Variants in SEMA3A observed in about 807,000 individuals in gnomAD.
SEMA3A encodes semaphorin 3A, also known as semaphorin-3A.
A neutral mutation model predicts 97.9 loss-of-function variants in SEMA3A; 29 were observed. The observed-to-expected ratio is 0.30, with a 90% CI of 0.22 to 0.40. SEMA3A has a LOEUF of 0.40. SEMA3A is among the 10% of genes least tolerant of loss of function. SEMA3A has a pLI of 1.00. For missense variants in SEMA3A, 763 were observed against 951.3 expected, an observed-to-expected ratio of 0.80 and a Z score of 2.60; for synonymous variants, 321 against 323.7, an observed-to-expected ratio of 0.99 and a Z score of 0.09.
chr7:84,388,644 T>C (rs1803462486), intron 1 of SEMA3A, among the ~76,000 whole-genome samples: 1 of 152,084 alleles, frequency 6.6e-6, no homozygotes, highest in Admixed American at 6.6e-5. Context: ...ATACTTTTTT[T>C]ACATGTTTTC....
At chr7:84,228,402 C>T (rs1461337594) in intron 3 of SEMA3A, among the ~76,000 whole-genome samples, 1 of 152,016 alleles carries the variant, frequency 6.6e-6, no homozygotes, top group African/African-American at 2.4e-5. Flanking sequence ...AATGTTACCT[C>T]ATTATAAACA....
intron 3 of SEMA3A, among the ~76,000 whole-genome samples, chr7:84,243,440 G>A (rs1447917483): frequency 6.6e-6 from 1 of 152,158 alleles, no homozygotes. Context: ...GCGTAGAGGT[G>A]TTTACAGTAT....
At chr7:84,041,942 TGACGTTTTTTATGTCTCCAAA>T (rs1792148644) in intron 6 of SEMA3A, among the ~76,000 whole-genome samples, 1 of 152,150 alleles carries the variant, frequency 6.6e-6, no homozygotes, top group Admixed American at 6.6e-5. Context: ...TTGGATACTC[TGACGTTTTTTATGTCTCCAAA>T]GATAGTAAGA....
intron 3 of SEMA3A, among the ~76,000 whole-genome samples, chr7:84,234,379 G>C (rs1366454723): frequency 1.3e-5 from 2 of 152,000 alleles, no homozygotes; most frequent in Non-Finnish European, 2.9e-5. Context: ...GCCACATTGA[G>C]ACCATTGCCC....
At chr7:84,346,063 C>T (rs908215967) in intron 2 of SEMA3A, among the ~76,000 whole-genome samples, 1 of 152,176 alleles carries the variant, frequency 6.6e-6, no homozygotes, top group Non-Finnish European at 1.5e-5. Context: ...TTTACGTCAG[C>T]ACTTGCTGCT....
chr7:84,045,045 C>A (rs1199564155), intron 6 of SEMA3A, among the ~76,000 whole-genome samples: 1 of 151,892 alleles, frequency 6.6e-6, no homozygotes, highest in African/African-American at 2.4e-5. Flanking sequence ...TTTGAGTAGT[C>A]ACTTTGAAGT....
intron 4 of SEMA3A, among the ~76,000 whole-genome samples, chr7:84,108,037 T>C (rs940990498): frequency 4.6e-5 from 7 of 152,128 alleles, no homozygotes; most frequent in African/African-American, 1.7e-4. Context: ...TTGTATTAAA[T>C]ACAAAATATA....
chr7:84,231,862 C>T (rs1056149501), intron 3 of SEMA3A, among the ~76,000 whole-genome samples: 2 of 151,842 alleles, frequency 1.3e-5, no homozygotes, highest in Non-Finnish European at 2.9e-5. Context: ...AAAAATAGCT[C>T]TTCCACTTTG....
intron 1 of SEMA3A, among the ~76,000 whole-genome samples, chr7:84,437,463 T>A (rs183338894): frequency 2.8e-4 from 43 of 152,128 alleles, no homozygotes; most frequent in African/African-American, 9.1e-4. Context: ...TGAATACATT[T>A]CCCCTTTTTT....
At chr7:84,465,593 T>C (rs190258666) in intron 1 of SEMA3A, among the ~76,000 whole-genome samples, 2 of 152,322 alleles carry the variant, frequency 1.3e-5, no homozygotes, top group East Asian at 3.9e-4. Flanking sequence ...AATGTTTATC[T>C]GAAAATTTCA....
At chr7:84,291,434 A>G (rs113827339) in intron 3 of SEMA3A, among the ~76,000 whole-genome samples, 11,082 of 152,012 alleles carry the variant, frequency 0.073, 1,377 homozygotes, top group African/African-American at 0.25. Flanking sequence ...CTTACATTCA[A>G]TTTTTATTTT....
chr7:83,985,972 G>A (rs563298644), intron 12 of SEMA3A, among the ~76,000 whole-genome samples: 26 of 152,200 alleles, frequency 1.7e-4, no homozygotes, highest in African/African-American at 6.3e-4. Flanking sequence ...AATAACTTGC[G>A]ATAAGCAGGA....
At chr7:84,426,848 C>T (rs1239971578) in intron 1 of SEMA3A, among the ~76,000 whole-genome samples, 1 of 152,004 alleles carries the variant, frequency 6.6e-6, no homozygotes, top group Non-Finnish European at 1.5e-5. Context: ...TCTTAATCTC[C>T]TTTGGAAGGT....
At chr7:84,318,286 T>C (rs1801559616) in intron 2 of SEMA3A, among the ~76,000 whole-genome samples, 2 of 151,700 alleles carry the variant, frequency 1.3e-5, no homozygotes, top group Admixed American at 6.6e-5. Context: ...ACGTTCTGTA[T>C]TTGCAACTTG....
At chr7:84,082,835 C>T (rs1794206926) in intron 4 of SEMA3A, among the ~76,000 whole-genome samples, 1 of 151,946 alleles carries the variant, frequency 6.6e-6, no homozygotes, top group African/African-American at 2.4e-5. Context: ...CAGATGTCAT[C>T]ATCTCAGAGC....
chr7:84,007,627 T>C (rs528347866), intron 9 of SEMA3A, 130 bp from the exon 10 acceptor site: 52 of 844,502 alleles, frequency 6.2e-5, no homozygotes, highest in Non-Finnish European at 7.9e-5. Context: ...GCAATAATGT[T>C]TGGGATTTTT....
intron 15 of SEMA3A, among the ~76,000 whole-genome samples, chr7:83,968,161 C>T (rs1296691348): frequency 6.6e-6 from 1 of 152,070 alleles, no homozygotes; most frequent in African/African-American, 2.4e-5. Context: ...TTGGTGAGTA[C>T]ATATTTTCTG....
At chr7:84,082,992 G>C (rs1024798774) in intron 4 of SEMA3A, among the ~76,000 whole-genome samples, 3 of 151,652 alleles carry the variant, frequency 2.0e-5, no homozygotes, top group African/African-American at 4.8e-5. Context: ...TTTTATGTCA[G>C]AATTTGAGTC....
intron 3 of SEMA3A, among the ~76,000 whole-genome samples, chr7:84,238,211 T>C (rs1799279596): frequency 6.6e-6 from 1 of 152,004 alleles, no homozygotes; most frequent in South Asian, 2.1e-4. Flanking sequence ...GGATTACAGG[T>C]GCCCACCACC....
Sources: allele counts gnomAD v4.1 joint callset (sites outside exome capture counted in the v4.1 genomes callset), GRCh38; gene constraint gnomAD v4.1.1; transcripts MANE v1.5; gene names NCBI Gene and HGNC (gene_info 2026-07-23, HGNC 2026-07-21).